Variants in SEMA5B observed in about 807,000 individuals in gnomAD.
SEMA5B encodes semaphorin 5B, also known as semaphorin-5B.
Under a neutral mutation model 135.0 loss-of-function variants are expected in SEMA5B, and 66 were observed. The ratio of observed to expected loss-of-function variants is 0.49; its 90% confidence interval spans 0.40 to 0.60. The LOEUF is 0.60. Among genes scored for constraint, SEMA5B ranks in the 20% least tolerant of loss-of-function variants. The probability of loss-of-function intolerance (pLI) is 0.00; values close to 1 mark genes in which losing one functional copy is unlikely to be tolerated. For synonymous variants in SEMA5B, 690 were observed against 639.5 expected (o/e 1.08, Z -1.19); for missense variants, 1,501 against 1,566.3 (o/e 0.96, Z 0.70).
intron 10 of SEMA5B, 133 bp from the exon 11 acceptor site, chr3:122,922,580 ATCCC>A: frequency 3.8e-6 from 3 of 797,608 alleles, no homozygotes; most frequent in East Asian, 2.7e-5. Flanking sequence ...CACCCCTAGC[ATCCC>A]TGCTGGGCGT....
chr3:122,912,942 G>C lies in SEMA5B; in HGVS notation c.2626C>G (p.Arg876Gly). Residue 876 changes from arginine (R) to glycine (G), a missense_variant, in exon 18 of 23, where the codon CGC becomes GGC. Coordinates refer to ENST00000357599, the MANE Select transcript of SEMA5B (RefSeq NM_001031702.4). Reference sequence around the variant, plus strand: ...TCCGGGTTAGTGCACGTTCTCTTGCGGACGCGGAAGCCCAGCTCGCAGTCC... The same window carrying C: ...TCCGGGTTAGTGCACGTTCTCTTGCCGACGCGGAAGCCCAGCTCGCAGTCC... ...SRDCELGFRV[R>G]KRTCTNPEPR... is the part of the protein sequence containing the mutation. 1.9e-6 allele frequency: 3 copies of C among 1,612,798 alleles called. No individual in the cohort carries two copies. Among genetic ancestry groups the C allele is most frequent in the Non-Finnish European group, 2.5e-6 (3 of 1,179,506 alleles).
At chr3:122,945,450 G>C (rs72970528) in intron 3 of SEMA5B, among the ~76,000 whole-genome samples, 1 of 152,180 alleles carries the variant, frequency 6.6e-6, no homozygotes, top group South Asian at 2.1e-4. Flanking sequence ...TCCAGGAAGC[G>C]TTCCTGGATT....
intron 1 of SEMA5B, among the ~76,000 whole-genome samples, chr3:122,979,839 T>C (rs1941461606): frequency 6.6e-6 from 1 of 152,238 alleles, no homozygotes; most frequent in South Asian, 2.1e-4. Flanking sequence ...GGAACATTTC[T>C]AACAGCGCCT....
intron 5 of SEMA5B, among the ~76,000 whole-genome samples, chr3:122,932,095 T>A (rs527338649): frequency 6.6e-6 from 1 of 152,364 alleles, no homozygotes; most frequent in South Asian, 2.1e-4. Flanking sequence ...AATATTCGTA[T>A]TCTGATAAGG....
intron 1 of SEMA5B, among the ~76,000 whole-genome samples, chr3:123,010,996 T>C (rs769456655): frequency 2.5e-4 from 38 of 152,046 alleles, no homozygotes; most frequent in Non-Finnish European, 5.1e-4. Context: ...TCTGTGAAGA[T>C]GGGGGCAGAC....
At chr3:123,004,021 T>G (rs1942246337) in intron 1 of SEMA5B, among the ~76,000 whole-genome samples, 1 of 152,138 alleles carries the variant, frequency 6.6e-6, no homozygotes, top group Non-Finnish European at 1.5e-5. Flanking sequence ...TCAAATCCCA[T>G]TAGTCAAAAT....
intron 1 of SEMA5B, among the ~76,000 whole-genome samples, chr3:122,997,273 C>G (rs1942044432): frequency 6.6e-6 from 1 of 152,138 alleles, no homozygotes; most frequent in South Asian, 2.1e-4. Flanking sequence ...GTTCTGCTCT[C>G]TTTCTCATGT....
rs1366147005 is a variant in SEMA5B at position 123,017,858 on chromosome 3, A to G, written c.-39+9606T>C. ...GGGAGGCAGAGGTTGCAGTGAGCCA[A>G]GACTGCATCACTGCACTCCAGCCTG... On this transcript the variant is annotated intron_variant, in intron 1 of 22. Transcript: ENST00000357599. Among the ~76,000 whole-genome samples the G allele has an allele frequency of 2.6e-5, 4 of 152,008 alleles. No homozygotes were observed. In the East Asian group the frequency reaches 7.7e-4, roughly 29 times the overall value.
intron 1 of SEMA5B, among the ~76,000 whole-genome samples, chr3:123,022,730 A>G (rs958665386): frequency 1.3e-5 from 2 of 152,148 alleles, no homozygotes; most frequent in Non-Finnish European, 1.5e-5. Flanking sequence ...TGAGTCCCCC[A>G]CTCAAATCAG....
intron 2 of SEMA5B, among the ~76,000 whole-genome samples, chr3:122,960,415 G>T (rs1940524296): frequency 6.6e-6 from 1 of 152,126 alleles, no homozygotes; most frequent in Non-Finnish European, 1.5e-5. Flanking sequence ...ACAGTCTGGA[G>T]GTTTTTCAAA....
chr3:122,989,984 C>T (rs1257158485), intron 1 of SEMA5B, among the ~76,000 whole-genome samples: 2 of 152,148 alleles, frequency 1.3e-5, no homozygotes, highest in Non-Finnish European at 2.9e-5. Flanking sequence ...CCAGCCACCT[C>T]CCTGTCCCTG....
At chr3:122,937,614 C>T (rs1221254581) in intron 5 of SEMA5B, among the ~76,000 whole-genome samples, 2 of 152,150 alleles carry the variant, frequency 1.3e-5, no homozygotes, top group African/African-American at 4.8e-5. Context: ...CTGTAGGGCC[C>T]TTCAGGGAAT....
chr3:122,956,850 A>T (rs1940341540), intron 2 of SEMA5B, among the ~76,000 whole-genome samples: 1 of 152,104 alleles, frequency 6.6e-6, no homozygotes. Context: ...AAGGGAAAAA[A>T]CGTCCTGGGA....
At chr3:123,022,127 C>T (rs529262396) in intron 1 of SEMA5B, among the ~76,000 whole-genome samples, 129 of 152,286 alleles carry the variant, frequency 8.5e-4, no homozygotes, top group Non-Finnish European at 1.6e-3. Context: ...TGAACACCTC[C>T]CTTTCACAGA....
chr3:123,000,235 G>A (rs1942135835), intron 1 of SEMA5B, among the ~76,000 whole-genome samples: 2 of 152,060 alleles, frequency 1.3e-5, no homozygotes, highest in African/African-American at 2.4e-5. Context: ...ACAGAACAAA[G>A]GAGCAGCCCT....
chr3:122,989,591 G>C (rs1042722171), intron 1 of SEMA5B, among the ~76,000 whole-genome samples: 1 of 152,174 alleles, frequency 6.6e-6, no homozygotes, highest in Non-Finnish European at 1.5e-5. Flanking sequence ...GTCACTTCTG[G>C]AAGTTTCACA....
chr3:122,948,716 C>A lies in SEMA5B; in HGVS notation c.125-7G>T, dbSNP rs374345350. The A allele has an allele frequency of 6.3e-7, 1 of 1,585,148 alleles. No homozygotes were observed. Among genetic ancestry groups the A allele is most frequent in the Non-Finnish European group, 8.6e-7 (1 of 1,159,812 alleles). On this transcript the variant is annotated splice_polypyrimidine_tract_variant and splice_region_variant and intron_variant, in intron 2 of 22. Coordinates refer to ENST00000357599, the MANE Select transcript of SEMA5B (RefSeq NM_001031702.4). ...GGCAGACAGGGGAGAAGACCTGCAACGTAAACACTCAGTCTCACCAAGCGC... is the reference window on the plus strand; with the variant it reads ...GGCAGACAGGGGAGAAGACCTGCAAAGTAAACACTCAGTCTCACCAAGCGC...
intron 1 of SEMA5B, among the ~76,000 whole-genome samples, chr3:123,002,315 T>G (rs1351890091): frequency 6.6e-6 from 1 of 152,194 alleles, no homozygotes; most frequent in East Asian, 1.9e-4. Context: ...CTGCCAGTCT[T>G]AATAGACACA....
At chr3:123,028,256 G>T (rs1485657663), upstream of SEMA5B, among the ~76,000 whole-genome samples, 1 of 152,232 alleles carries the variant, frequency 6.6e-6, no homozygotes, top group Non-Finnish European at 1.5e-5. Context: ...ATTTGAAGGG[G>T]AAGGGACCTC....
Sources: allele counts gnomAD v4.1 joint callset (sites outside exome capture counted in the v4.1 genomes callset), GRCh38; gene constraint gnomAD v4.1.1; transcripts MANE v1.5; gene names NCBI Gene and HGNC (gene_info 2026-07-23, HGNC 2026-07-21).